CDC42BPB: variants seen among roughly 807,000 people sequenced by gnomAD.
CDC42BPB encodes CDC42 binding protein kinase beta.
CDC42BPB carries 37 observed loss-of-function variants against 214.9 expected under a neutral mutation model. The ratio of observed to expected loss-of-function variants is 0.17; its 90% CI spans 0.13 to 0.23. CDC42BPB has a LOEUF of 0.23. Among genes scored for constraint, CDC42BPB ranks in the 10% least tolerant of loss-of-function variants. The probability of loss-of-function intolerance (pLI) is 1.00; values close to 1 mark genes in which losing one functional copy is unlikely to be tolerated. For synonymous variants in CDC42BPB, 931 were observed against 884.0 expected (o/e 1.05, Z -0.94); for missense variants, 1,694 against 2,227.0 (o/e 0.76, Z 4.82).
intron 5 of CDC42BPB, 23 bp from the exon 6 acceptor site, chr14:102,986,603 A>G: frequency 3.1e-6 from 5 of 1,609,210 alleles, no homozygotes; most frequent in Non-Finnish European, 4.2e-6. Flanking sequence ...TAAACACACA[A>G]ATTAACCATC....
intron 23 of CDC42BPB, 101 bp from the exon 24 acceptor site, chr14:102,952,704 T>C: frequency 1.3e-6 from 2 of 1,502,296 alleles, no homozygotes; most frequent in African/African-American, 1.4e-5. Flanking sequence ...GGCATTATCC[T>C]GAAAAGGTGG....
intron 30 of CDC42BPB, chr14:102,941,497 T>C (rs1891886720): frequency 2.0e-6 from 2 of 985,342 alleles, no homozygotes; most frequent in South Asian, 4.7e-5. Context: ...CAGATGCACC[T>C]GTGAGGCCTC....
chr14:102,936,953 G>C (rs1350922102), intron 36 of CDC42BPB: 1 of 152,242 alleles, frequency 6.6e-6, no homozygotes, highest in Non-Finnish European at 1.5e-5. Context: ...TAGGAGGACA[G>C]CTTGAGCCCA....
Position 102,975,757 on chromosome 14 carries a change from G to A in CDC42BPB, c.1434C>T (p.Leu478=). ...TTTCTTTATCTCGGTTTGAATTGCT[G>A]AGGGCCCGAGATGAGCCGTGGAGGG... ...VQSLHGSSRA[L]SNSNRDKEIK... is the part of the protein sequence containing the mutation. Residue 478 remains leucine, a synonymous_variant, in exon 11 of 37, where the codon CTC becomes CTT. Coordinates refer to ENST00000361246, the MANE Select transcript of CDC42BPB (RefSeq NM_006035.4). 3 of 1,614,062 alleles carry A rather than the reference G, an allele frequency of 1.9e-6. No homozygotes were observed. Among genetic ancestry groups the A allele is most frequent in the Non-Finnish European group, 2.5e-6 (3 of 1,179,982 alleles).
intron 1 of CDC42BPB, among the ~76,000 whole-genome samples, chr14:103,025,317 C>T (rs1886990514): frequency 6.6e-6 from 1 of 151,990 alleles, no homozygotes; most frequent in South Asian, 2.1e-4. Flanking sequence ...ATATGTGTAC[C>T]CTACGGCACA....
At chr14:102,971,134 A>T (rs1284271556) in intron 13 of CDC42BPB, among the ~76,000 whole-genome samples, 1 of 152,188 alleles carries the variant, frequency 6.6e-6, no homozygotes, top group Non-Finnish European at 1.5e-5. Flanking sequence ...TACTTTATCC[A>T]GAACGGTGTA....
intron 1 of CDC42BPB, among the ~76,000 whole-genome samples, chr14:103,032,380 AC>A (rs1887432138): frequency 6.6e-6 from 1 of 151,856 alleles, no homozygotes; most frequent in Admixed American, 6.6e-5. Context: ...CATCGATTGA[AC>A]CCCCAAATAG....
intron 5 of CDC42BPB, among the ~76,000 whole-genome samples, chr14:102,988,254 C>CA (rs1211242794): frequency 6.6e-6 from 1 of 150,536 alleles, no homozygotes; most frequent in Admixed American, 6.7e-5. Context: ...GGGAGACAGG[C>CA]AAAGAAGGCC....
chr14:102,993,754 T>C (rs1405885939), intron 5 of CDC42BPB, among the ~76,000 whole-genome samples: 1 of 152,140 alleles, frequency 6.6e-6, no homozygotes, highest in African/African-American at 2.4e-5. Flanking sequence ...AAGGAAGACT[T>C]GAAGCAATGC....
At chr14:103,003,477 A>G (rs1401491240) in intron 4 of CDC42BPB, among the ~76,000 whole-genome samples, 1 of 152,228 alleles carries the variant, frequency 6.6e-6, no homozygotes, top group Non-Finnish European at 1.5e-5. Flanking sequence ...AGAGTCACCT[A>G]AAACCTGTCG....
chr14:102,981,471 A>G (rs1893995423), intron 7 of CDC42BPB, among the ~76,000 whole-genome samples: 1 of 152,190 alleles, frequency 6.6e-6, no homozygotes. Flanking sequence ...CATGCCCATC[A>G]AAAAAGAGAC....
chr14:102,954,924 G>A (rs1184721553), intron 21 of CDC42BPB: 1 of 427,400 alleles, frequency 2.3e-6, no homozygotes, highest in East Asian at 1.6e-4. Context: ...AGTGGTGATT[G>A]CGTGGGCAGG....
At chr14:102,987,451 C>T (rs1297832392) in intron 5 of CDC42BPB, among the ~76,000 whole-genome samples, 1 of 152,160 alleles carries the variant, frequency 6.6e-6, no homozygotes, top group African/African-American at 2.4e-5. Context: ...AGCATGTTCC[C>T]AGCGGCACCA....
intron 4 of CDC42BPB, chr14:102,999,973 A>G: frequency 1.1e-6 from 1 of 933,980 alleles, no homozygotes. Flanking sequence ...GAATGATGAA[A>G]GGGCTTGAGG....
Position 102,940,062 on chromosome 14 carries a change from G to A in CDC42BPB, c.4575C>T (p.Phe1525=), listed in dbSNP as rs766028491. ...LNCEPPRLIY[F]KSKFSGAVLN... ...AAGGCTCACCCGAGAACTTGCTCTTGAAGTAGATCAAGCGTGGAGGCTCGC... is the reference window on the plus strand; with the variant it reads ...AAGGCTCACCCGAGAACTTGCTCTTAAAGTAGATCAAGCGTGGAGGCTCGC... The change falls in exon 32 of 37, where the codon TTC becomes TTT. Residue 1525 remains phenylalanine, a synonymous_variant. Transcript: ENST00000361246. 41 of 1,613,872 alleles carry A rather than the reference G, an allele frequency of 2.5e-5. No homozygotes were observed. The highest frequency in any genetic ancestry group is 3.5e-5 in the Non-Finnish European group (41 of 1,180,044).
At chr14:102,949,978 C>G (rs746960773) in intron 25 of CDC42BPB, 74 bp from the exon 26 acceptor site, 172 of 1,584,630 alleles carry the variant, frequency 1.1e-4, no homozygotes, top group Non-Finnish European at 1.4e-4. Context: ...CACTCGTTCA[C>G]AATCTCCTTC....
chr14:103,006,913 C>G (rs1018716969), intron 3 of CDC42BPB, among the ~76,000 whole-genome samples: 3 of 152,176 alleles, frequency 2.0e-5, no homozygotes, highest in Admixed American at 6.5e-5. Context: ...ACACCTGATA[C>G]CTCTCTACAC....
At chr14:102,975,646 A>AGACT in intron 11 of CDC42BPB, 38 bp downstream of exon 11, 3 of 1,606,796 alleles carry the variant, frequency 1.9e-6, no homozygotes, top group Non-Finnish European at 2.6e-6. Context: ...GTAATGACCA[A>AGACT]AAATAGAGAC....
At chr14:103,056,420 G>A (rs1013478098) in intron 1 of CDC42BPB, among the ~76,000 whole-genome samples, 11 of 152,216 alleles carry the variant, frequency 7.2e-5, no homozygotes, top group African/African-American at 2.7e-4. Context: ...TTAGAGCTGG[G>A]CTCCCTGGGG....
Sources: allele counts gnomAD v4.1 joint callset (sites outside exome capture counted in the v4.1 genomes callset), GRCh38; gene constraint gnomAD v4.1.1; transcripts MANE v1.5; gene names NCBI Gene and HGNC (gene_info 2026-07-23, HGNC 2026-07-21).